DNAH14: variants seen among roughly 807,000 people sequenced by gnomAD.
DNAH14 encodes axonemal beta dynein heavy chain 14.
DNAH14 carries 478 observed loss-of-function variants against 520.9 expected under a neutral mutation model. The ratio of observed to expected loss-of-function variants is 0.92; its 90% confidence interval spans 0.85 to 0.99. The LOEUF (loss-of-function observed/expected upper bound fraction) is 0.99, where lower values mean the gene tolerates loss of function less well. DNAH14 is among the 50% of genes least tolerant of loss of function. The pLI is 0.00. For missense variants in DNAH14, 4,831 were observed against 5,234.5 expected (o/e 0.92, Z 2.38); for synonymous variants, 1,581 against 1,757.2 (o/e 0.90, Z 2.51).
At chr1:225,043,448 G>T (rs1218458776) in intron 13 of DNAH14, among the ~76,000 whole-genome samples, 1 of 152,126 alleles carries the variant, frequency 6.6e-6, no homozygotes, top group Non-Finnish European at 1.5e-5. Context: ...TCATTGTTGT[G>T]CATGTCAGTA....
At chr1:225,075,201 T>G (rs2072109461) in intron 17 of DNAH14, among the ~76,000 whole-genome samples, 2 of 152,176 alleles carry the variant, frequency 1.3e-5, no homozygotes, top group Non-Finnish European at 2.9e-5. Context: ...TTTCCTGTGG[T>G]CACACATTCA....
At chr1:225,123,669 G>C in intron 27 of DNAH14, 55 bp downstream of exon 27, 1 of 272,634 alleles carries the variant, frequency 3.7e-6, no homozygotes, top group Non-Finnish European at 8.1e-6. Context: ...AGATATTGCA[G>C]GTTCAATTTC....
At chr1:225,273,530 GAAAT>G (rs2093373413) in intron 52 of DNAH14, among the ~76,000 whole-genome samples, 1 of 152,194 alleles carries the variant, frequency 6.6e-6, no homozygotes, top group Middle Eastern at 3.2e-3. Context: ...AATACTGAAA[GAAAT>G]GTAATTTTAT....
At chr1:225,118,430 A>G (rs186018738) in intron 25 of DNAH14, among the ~76,000 whole-genome samples, 31 of 152,296 alleles carry the variant, frequency 2.0e-4, no homozygotes, top group African/African-American at 6.5e-4. Context: ...AATAATGACA[A>G]ACTAGGTCCT....
At chr1:225,356,071 A>G (rs2095425368) in intron 73 of DNAH14, among the ~76,000 whole-genome samples, 1 of 152,204 alleles carries the variant, frequency 6.6e-6, no homozygotes, top group Non-Finnish European at 1.5e-5. Context: ...TTGTGTGTAT[A>G]TATCATGTTT....
At chr1:225,270,700 C>T (rs1428540480) in intron 49 of DNAH14, 35 bp from the exon 50 acceptor site, 1 of 1,540,750 alleles carries the variant, frequency 6.5e-7, no homozygotes, top group African/African-American at 1.4e-5. Context: ...CCTACAGATA[C>T]ATTCAGTTAC....
intron 66 of DNAH14, among the ~76,000 whole-genome samples, chr1:225,336,262 C>A (rs1330648700): frequency 1.3e-5 from 2 of 151,426 alleles, no homozygotes. Context: ...TTCTAAAAGA[C>A]ACATCTAAAA....
intron 17 of DNAH14, among the ~76,000 whole-genome samples, chr1:225,058,829 G>A (rs1215873504): frequency 2.6e-5 from 4 of 152,158 alleles, no homozygotes; most frequent in African/African-American, 7.2e-5. Flanking sequence ...GTTTCCATGT[G>A]GTTGAGCGGT....
chr1:224,929,809 A>C lies in DNAH14; in HGVS notation c.-60A>C, dbSNP rs1481101136. 1.4e-6 allele frequency: 1 copy of C among 696,542 alleles called. No homozygotes were observed. Among genetic ancestry groups the C allele is most frequent in the Non-Finnish European group, 2.6e-6 (1 of 380,634 alleles). 43.1% of individuals were successfully genotyped at this position (696,542 alleles called of 1,614,324 possible). A position where few individuals can be genotyped will look rare whatever the true frequency, so the allele number is the denominator to read the frequency against. ...CTTCGCCGCTTCCAGGAAGGGCCAC[A>C]ACGGCCGTCGGACCACGGCGCGGCG... On this transcript the variant is annotated 5_prime_UTR_variant, in exon 1 of 86. Coordinates refer to ENST00000682510, the MANE Select transcript of DNAH14 (RefSeq NM_001367479.1).
At chr1:225,076,129 G>T (rs2072247331) in intron 17 of DNAH14, among the ~76,000 whole-genome samples, 1 of 152,144 alleles carries the variant, frequency 6.6e-6, no homozygotes. Flanking sequence ...TAAAGCCTGG[G>T]GTCACTGGGC....
intron 17 of DNAH14, among the ~76,000 whole-genome samples, chr1:225,074,062 G>A (rs2071915315): frequency 7.3e-6 from 1 of 137,456 alleles, no homozygotes; most frequent in Non-Finnish European, 1.6e-5. Context: ...TGCAGTAGTG[G>A]GATCTCGGCT....
chr1:225,177,336 G>A (rs930773444), intron 36 of DNAH14, among the ~76,000 whole-genome samples: 3 of 152,170 alleles, frequency 2.0e-5, no homozygotes, highest in Admixed American at 2.0e-4. Context: ...TATAAGGGAA[G>A]CAGAGCATAA....
chr1:225,043,153 G>A (rs905660578), intron 13 of DNAH14, 39 bp downstream of exon 13: 3 of 1,515,368 alleles, frequency 2.0e-6, no homozygotes, highest in Non-Finnish European at 2.7e-6. Flanking sequence ...GGGGTTGCCA[G>A]GTGTGGTGGC....
intron 41 of DNAH14, among the ~76,000 whole-genome samples, chr1:225,228,607 T>TGG (rs34936665): frequency 5.0e-4 from 75 of 151,510 alleles, no homozygotes; most frequent in South Asian, 8.4e-4. Context: ...CCCCCACTCC[T>TGG]GGGGGGGGTC....
rs1197927461 is a variant in DNAH14 at position 224,991,084 on chromosome 1, C to CTT, written c.831-11672_831-11671dup. Among the ~76,000 whole-genome samples the CTT allele has an allele frequency of 1.7e-3, 132 of 77,888 alleles. 24 individuals are homozygous for CTT. The highest frequency in any genetic ancestry group is 3.1e-3 in the African/African-American group (73 of 23,398). The allele number at this position is 77,888 out of a possible 152,430, so 51.1% of individuals were successfully genotyped here. A position where few individuals can be genotyped will look rare whatever the true frequency, so the allele number is the denominator to read the frequency against. Reference sequence around the variant, plus strand: ...TTCCCTAATGATTAGTGATGTTGAGCTTTTTTTTTTTTTTTTTTTTTTTTT... The same window carrying CTT: ...TTCCCTAATGATTAGTGATGTTGAGCTTTTTTTTTTTTTTTTTTTTTTTTTTT... On this transcript the variant is annotated intron_variant, in intron 8 of 85. Coordinates refer to ENST00000682510, the MANE Select transcript of DNAH14 (RefSeq NM_001367479.1).
intron 81 of DNAH14, among the ~76,000 whole-genome samples, chr1:225,384,171 T>C (rs2095812675): frequency 6.6e-6 from 1 of 152,190 alleles, no homozygotes; most frequent in South Asian, 2.1e-4. Context: ...GTTGTCAATT[T>C]TGGAATAAGT....
intron 8 of DNAH14, among the ~76,000 whole-genome samples, chr1:224,997,554 T>C (rs1250708060): frequency 6.6e-6 from 1 of 152,126 alleles, no homozygotes; most frequent in African/African-American, 2.4e-5. Context: ...TGTGAATAGT[T>C]GCTAGTTGAA....
At chr1:225,398,968 C>A in intron 85 of DNAH14, 86 bp from the exon 86 acceptor site, 2 of 1,025,028 alleles carry the variant, frequency 2.0e-6, no homozygotes, top group South Asian at 1.6e-5. Context: ...CATAACAAAT[C>A]CCTCAAGCCT....
intron 1 of DNAH14, among the ~76,000 whole-genome samples, chr1:224,942,196 T>C (rs2059467086): frequency 6.6e-6 from 1 of 152,202 alleles, no homozygotes; most frequent in Non-Finnish European, 1.5e-5. Flanking sequence ...AGCAGTGGTT[T>C]GTAGTTCTCC....
Sources: allele counts gnomAD v4.1 joint callset (sites outside exome capture counted in the v4.1 genomes callset), GRCh38; gene constraint gnomAD v4.1.1; transcripts MANE v1.5; gene names NCBI Gene and HGNC (gene_info 2026-07-23, HGNC 2026-07-21).